Variants in PCDH9 observed in about 807,000 individuals in gnomAD.
PCDH9 encodes the protein protocadherin 9, also known as protocadherin-9.
PCDH9 carries 24 observed loss-of-function variants against 70.6 expected under a neutral mutation model. That is an observed-to-expected ratio of 0.34 (90% CI 0.25 to 0.48). PCDH9 has a LOEUF of 0.48. Ranked by LOEUF, PCDH9 falls within the 20% of genes least tolerant of loss-of-function variation. The probability of loss-of-function intolerance (pLI) is 0.99; values close to 1 mark genes in which losing one functional copy is unlikely to be tolerated. For missense variants in PCDH9, 1,281 were observed against 1,503.6 expected (o/e 0.85, Z 2.45); for synonymous variants, 562 against 558.5 (o/e 1.01, Z -0.09).
chr13:66,526,899 T>C (rs1960239244), intron 4 of PCDH9, among the ~76,000 whole-genome samples: 1 of 152,148 alleles, frequency 6.6e-6, no homozygotes, highest in Admixed American at 6.6e-5. Context: ...TGCATAAAAG[T>C]ACTGTGAGCA....
At chr13:66,572,038 ATTCTT>A (rs1210998169) in intron 4 of PCDH9, among the ~76,000 whole-genome samples, 1 of 152,092 alleles carries the variant, frequency 6.6e-6, no homozygotes, top group African/African-American at 2.4e-5. Context: ...TCGACTCAGA[ATTCTT>A]GAATTCTCTT....
chr13:66,916,412 G>T (rs2082558452), intron 2 of PCDH9, among the ~76,000 whole-genome samples: 1 of 151,396 alleles, frequency 6.6e-6, no homozygotes, highest in Non-Finnish European at 1.5e-5. Context: ...AAATCTGAAG[G>T]AACTATCTGC....
intron 3 of PCDH9, among the ~76,000 whole-genome samples, chr13:66,778,293 AT>A (rs1469512510): frequency 5.3e-5 from 8 of 152,114 alleles, no homozygotes; most frequent in African/African-American, 1.9e-4. Flanking sequence ...AATAATAATA[AT>A]AAAAATACTC....
Position 66,837,230 on chromosome 13 carries a change from C to A in PCDH9, c.3138+66274G>T, listed in dbSNP as rs988081233. On this transcript the variant is annotated intron_variant, in intron 3 of 4. Transcript: ENST00000377865. ...TTCCAAAATCTCCCCAAAATGAGTT[C>A]TCTTTTGAGTTTCTCTTTATTTTGT... is the stretch of plus-strand genomic sequence containing the variant. 3.9e-5 allele frequency among the ~76,000 whole-genome samples: 6 copies of A among 152,146 alleles called. No individual in the cohort carries two copies. In the East Asian group the frequency reaches 1.2e-3, roughly 29 times the overall value.
intron 2 of PCDH9, among the ~76,000 whole-genome samples, chr13:66,908,107 T>C (rs753676786): frequency 1.4e-4 from 21 of 152,296 alleles, no homozygotes; most frequent in South Asian, 6.2e-4. Context: ...ATCTTCAACT[T>C]CTCTCTATGC....
intron 4 of PCDH9, among the ~76,000 whole-genome samples, chr13:66,511,595 G>A (rs1959476117): frequency 6.6e-6 from 1 of 152,042 alleles, no homozygotes. Context: ...ATGTTGAAAT[G>A]TAATCCTTAA....
chr13:66,788,776 C>T (rs2080119271), intron 3 of PCDH9, among the ~76,000 whole-genome samples: 1 of 150,886 alleles, frequency 6.6e-6, no homozygotes, highest in Non-Finnish European at 1.5e-5. Flanking sequence ...ACTATCCTCA[C>T]AGCAGTATTG....
At chr13:66,577,576 A>C (rs2076832681) in intron 4 of PCDH9, among the ~76,000 whole-genome samples, 1 of 151,944 alleles carries the variant, frequency 6.6e-6, no homozygotes, top group African/African-American at 2.4e-5. Context: ...CCAGAAATAC[A>C]CTGCATAGGA....
intron 3 of PCDH9, among the ~76,000 whole-genome samples, chr13:66,901,026 A>G (rs2139592883): frequency 6.6e-6 from 1 of 151,866 alleles, no homozygotes; most frequent in African/African-American, 2.4e-5. Flanking sequence ...TAATAACCTT[A>G]AAAAAGTGGT....
intron 3 of PCDH9, among the ~76,000 whole-genome samples, chr13:66,715,174 C>G (rs1273749674): frequency 6.6e-6 from 1 of 152,108 alleles, no homozygotes; most frequent in African/African-American, 2.4e-5. Flanking sequence ...TTTCTTTAGA[C>G]TGACAGAGAT....
intron 2 of PCDH9, among the ~76,000 whole-genome samples, chr13:67,141,718 T>C (rs80205314): frequency 0.046 from 6,913 of 150,370 alleles, 408 homozygotes; most frequent in African/African-American, 0.13. Context: ...GGATTACAAG[T>C]GTGAGTTCCT....
At chr13:66,690,222 T>C (rs1374610879) in intron 3 of PCDH9, among the ~76,000 whole-genome samples, 1 of 152,172 alleles carries the variant, frequency 6.6e-6, no homozygotes, top group Non-Finnish European at 1.5e-5. Context: ...ATGCAGTTTT[T>C]TTTGCATTTA....
At chr13:67,117,091 TG>T (rs1257639285) in intron 2 of PCDH9, among the ~76,000 whole-genome samples, 2 of 152,170 alleles carry the variant, frequency 1.3e-5, no homozygotes, top group Non-Finnish European at 2.9e-5. Flanking sequence ...AAAAATGTCT[TG>T]GAAAATTTGT....
At chr13:66,381,564 A>G (rs900087727) in intron 4 of PCDH9, among the ~76,000 whole-genome samples, 5 of 152,210 alleles carry the variant, frequency 3.3e-5, no homozygotes, top group African/African-American at 7.2e-5. Flanking sequence ...AAAATACAAC[A>G]ACAACAACAA....
intron 3 of PCDH9, among the ~76,000 whole-genome samples, chr13:66,736,733 T>A (rs1003982709): frequency 6.6e-6 from 1 of 152,202 alleles, no homozygotes; most frequent in Non-Finnish European, 1.5e-5. Flanking sequence ...GGTAAGTCTG[T>A]TTTTATCTTG....
Position 66,480,229 on chromosome 13 carries a change from C to A in PCDH9, c.3340+150981G>T, listed in dbSNP as rs368642474. ...AGATGTGGTGGGAATAGCTAGAGAACTAGAATTAGAAGTGGAGCCTGAAGA... is the reference window on the plus strand; with the variant it reads ...AGATGTGGTGGGAATAGCTAGAGAAATAGAATTAGAAGTGGAGCCTGAAGA... On this transcript the variant is annotated intron_variant, in intron 4 of 4. Coordinates refer to ENST00000377865, the MANE Select transcript of PCDH9 (RefSeq NM_203487.3). Among the ~76,000 whole-genome samples the A allele has an allele frequency of 4.6e-5, 7 of 152,246 alleles. No individual in the cohort carries two copies. The East Asian group carries it at 1.4e-3, about 29-fold the overall frequency.
chr13:67,217,194 T>G (rs1168099077), intron 2 of PCDH9: 1 of 152,080 alleles, frequency 6.6e-6, no homozygotes, highest in African/African-American at 2.4e-5. Context: ...GACATTCTCC[T>G]TCTATAAAAG....
chr13:66,344,908 C>A (rs1956189210), intron 4 of PCDH9, among the ~76,000 whole-genome samples: 1 of 152,108 alleles, frequency 6.6e-6, no homozygotes, highest in Non-Finnish European at 1.5e-5. Context: ...CATAAAAATG[C>A]AAATTAATTG....
intron 2 of PCDH9, among the ~76,000 whole-genome samples, chr13:67,116,842 A>G (rs189677799): frequency 2.6e-4 from 40 of 152,304 alleles, no homozygotes; most frequent in African/African-American, 8.9e-4. Context: ...AACGCACCTT[A>G]CAAATGCAAT....
Sources: allele counts gnomAD v4.1 joint callset (sites outside exome capture counted in the v4.1 genomes callset), GRCh38; gene constraint gnomAD v4.1.1; transcripts MANE v1.5; gene names NCBI Gene and HGNC (gene_info 2026-07-23, HGNC 2026-07-21).